Variants in GRIA4 observed in about 807,000 individuals in gnomAD.
The protein encoded by GRIA4 is glutamate receptor 4.
Under a neutral mutation model 104.0 loss-of-function variants are expected in GRIA4, and 34 were observed. That is an observed-to-expected ratio of 0.33 (90% CI 0.25 to 0.44). GRIA4 has a LOEUF of 0.44. Among genes scored for constraint, GRIA4 ranks in the 20% least tolerant of loss-of-function variants. The pLI, the probability that GRIA4 is intolerant of heterozygous loss-of-function variation, is 1.00. For synonymous variants in GRIA4, 386 were observed against 381.9 expected, an observed-to-expected ratio of 1.01 and a Z score of -0.13; for missense variants, 750 against 1,096.5, an observed-to-expected ratio of 0.68 and a Z score of 4.46.
chr11:105,769,825 T>G (rs1041581366), intron 4 of GRIA4, among the ~76,000 whole-genome samples: 1 of 152,040 alleles, frequency 6.6e-6, no homozygotes, highest in Non-Finnish European at 1.5e-5. Flanking sequence ...TAAGTAGGTG[T>G]CAATTACATG....
At chr11:105,720,545 C>T (rs565351729) in intron 3 of GRIA4, among the ~76,000 whole-genome samples, 3 of 152,116 alleles carry the variant, frequency 2.0e-5, no homozygotes, top group Non-Finnish European at 4.4e-5. Flanking sequence ...AGCTAAAAAG[C>T]GCAATTTATG....
chr11:105,865,964 C>T (rs145517863), intron 5 of GRIA4, among the ~76,000 whole-genome samples: 1 of 152,276 alleles, frequency 6.6e-6, no homozygotes, highest in Non-Finnish European at 1.5e-5. Context: ...TTCCCATGAA[C>T]TCCCAACTCT....
intron 6 of GRIA4, among the ~76,000 whole-genome samples, chr11:105,896,104 GTT>G (rs1199968331): frequency 6.6e-6 from 1 of 151,920 alleles, no homozygotes; most frequent in African/African-American, 2.4e-5. Context: ...TATTTCTTGA[GTT>G]TTAAATAATA....
chr11:105,912,009 T>C, intron 10 of GRIA4: 1 of 1,281,536 alleles, frequency 7.8e-7, no homozygotes, highest in Non-Finnish European at 1.0e-6. Flanking sequence ...CATGTGGGAT[T>C]CTTCTTGGAT....
chr11:105,904,663 T>C (rs553052571), intron 8 of GRIA4, among the ~76,000 whole-genome samples: 50 of 152,308 alleles, frequency 3.3e-4, no homozygotes, highest in African/African-American at 1.2e-3. Context: ...TAATGTTACA[T>C]TTTAAATGTT....
chr11:105,878,651 T>C (rs915071097), intron 5 of GRIA4, among the ~76,000 whole-genome samples: 1 of 152,198 alleles, frequency 6.6e-6, no homozygotes, highest in Non-Finnish European at 1.5e-5. Flanking sequence ...CTGGCTACAG[T>C]GGCTTTGCTG....
chr11:105,815,617 A>C (rs1304702730), intron 4 of GRIA4, among the ~76,000 whole-genome samples: 2 of 152,132 alleles, frequency 1.3e-5, no homozygotes, highest in Non-Finnish European at 2.9e-5. Flanking sequence ...AGCTGAGTGC[A>C]AAACTTTTAA....
Position 105,678,281 on chromosome 11 carries a change from T to C in GRIA4, c.247+65847T>C, listed in dbSNP as rs560952570. ...GCCCAATTATGCCCCTACTTTAAGA[T>C]AAATCTATTTCAGCATTGATTACAA... On this transcript the variant is annotated intron_variant, in intron 3 of 16. Transcript: ENST00000282499. Among the ~76,000 whole-genome samples, 9 of 152,190 alleles carry C rather than the reference T, an allele frequency of 5.9e-5. No homozygotes were observed. The East Asian group carries it at 1.7e-3, about 29-fold the overall frequency.
At chr11:105,718,487 T>C (rs997679792) in intron 3 of GRIA4, among the ~76,000 whole-genome samples, 1 of 152,180 alleles carries the variant, frequency 6.6e-6, no homozygotes, top group Non-Finnish European at 1.5e-5. Flanking sequence ...ACTGGATGAA[T>C]AAATGGATGG....
intron 15 of GRIA4, among the ~76,000 whole-genome samples, chr11:105,973,648 G>A (rs1858815716): frequency 6.6e-6 from 1 of 151,864 alleles, no homozygotes; most frequent in African/African-American, 2.4e-5. Flanking sequence ...AAAATTACTT[G>A]AGTTACACAT....
intron 4 of GRIA4, among the ~76,000 whole-genome samples, chr11:105,802,599 T>C (rs538026032): frequency 6.6e-6 from 1 of 152,176 alleles, no homozygotes; most frequent in South Asian, 2.1e-4. Flanking sequence ...CTCAGCAATT[T>C]AGTGAATCTA....
chr11:105,747,956 T>C (rs964675629), intron 3 of GRIA4, among the ~76,000 whole-genome samples: 1 of 152,190 alleles, frequency 6.6e-6, no homozygotes, highest in African/African-American at 2.4e-5. Context: ...TACAGGTCTA[T>C]AAAATATGTA....
At chr11:105,921,483 C>T (rs142245721) in intron 11 of GRIA4, among the ~76,000 whole-genome samples, 1 of 152,142 alleles carries the variant, frequency 6.6e-6, no homozygotes, top group Non-Finnish European at 1.5e-5. Flanking sequence ...GCAACATCCC[C>T]GATGTTGGCA....
intron 3 of GRIA4, among the ~76,000 whole-genome samples, chr11:105,661,433 G>A (rs899907477): frequency 6.6e-6 from 1 of 151,550 alleles, no homozygotes; most frequent in Non-Finnish European, 1.5e-5. Flanking sequence ...ATATTATGTA[G>A]CCCTTATTTG....
chr11:105,733,224 A>G (rs1938712762), intron 3 of GRIA4, among the ~76,000 whole-genome samples: 1 of 152,246 alleles, frequency 6.6e-6, no homozygotes, highest in African/African-American at 2.4e-5. Context: ...TATCTTTAAT[A>G]TCGCACTACT....
intron 4 of GRIA4, among the ~76,000 whole-genome samples, chr11:105,787,040 T>G (rs1051297874): frequency 2.0e-5 from 3 of 152,116 alleles, no homozygotes; most frequent in Admixed American, 2.0e-4. Context: ...CATTTTAAAC[T>G]TTACGGTGAT....
intron 3 of GRIA4, among the ~76,000 whole-genome samples, chr11:105,749,136 T>A (rs1939850483): frequency 6.6e-6 from 1 of 152,074 alleles, no homozygotes; most frequent in Non-Finnish European, 1.5e-5. Context: ...AAAGAAGCAT[T>A]TGAAAGAAAT....
chr11:105,820,804 C>T (rs1319706566), intron 4 of GRIA4, among the ~76,000 whole-genome samples: 1 of 152,056 alleles, frequency 6.6e-6, no homozygotes, highest in Non-Finnish European at 1.5e-5. Context: ...TAAGGAACAA[C>T]AGACAAAGTC....
At chr11:105,864,191 T>C (rs1945327059) in intron 5 of GRIA4, among the ~76,000 whole-genome samples, 1 of 152,200 alleles carries the variant, frequency 6.6e-6, no homozygotes, top group African/African-American at 2.4e-5. Context: ...AAAATTTTCC[T>C]CCAAGAAAAG....
Sources: gnomAD v4.1 joint callset for allele counts (sites outside exome capture counted in the v4.1 genomes callset) on GRCh38, gnomAD v4.1.1 for gene constraint, MANE v1.5 for transcripts, NCBI Gene and HGNC (gene_info 2026-07-23, HGNC 2026-07-21) for gene names.